Variants in SNTA1 observed in about 807,000 individuals in gnomAD.
The protein encoded by SNTA1 is syntrophin alpha 1, also known as alpha-1-syntrophin.
In SNTA1, 31 loss-of-function variants were observed where a neutral mutation model predicts 47.1. The observed-to-expected ratio is 0.66, with a 90% CI of 0.49 to 0.89. SNTA1 has a LOEUF of 0.89. Among genes scored for constraint, SNTA1 ranks in the 40% least tolerant of loss-of-function variants. The probability of loss-of-function intolerance (pLI) is 0.00; values close to 1 mark genes in which losing one functional copy is unlikely to be tolerated. For missense variants in SNTA1, 575 were observed against 693.0 expected, an observed-to-expected ratio of 0.83 and a Z score of 1.91; for synonymous variants, 300 against 313.6, an observed-to-expected ratio of 0.96 and a Z score of 0.46.
intron 1 of SNTA1, among the ~76,000 whole-genome samples, chr20:33,442,724 C>G (rs888891409): frequency 6.6e-6 from 1 of 152,110 alleles, no homozygotes; most frequent in African/African-American, 2.4e-5. Context: ...CTATCCTGTG[C>G]AAGGTGGAGA....
chr20:33,421,099 G>C (rs1209678421), intron 2 of SNTA1, among the ~76,000 whole-genome samples: 1 of 151,502 alleles, frequency 6.6e-6, no homozygotes, highest in Non-Finnish European at 1.5e-5. Context: ...CTTGAACCCA[G>C]CAAGCAGAGG....
Position 33,408,911 on chromosome 20 carries a change from C to T in SNTA1, c.1238-23G>A, listed in dbSNP as rs747304379. The T allele has an allele frequency of 5.6e-6, 9 of 1,609,710 alleles. No individual in the cohort carries two copies. In the South Asian group the frequency reaches 7.7e-5, roughly 14 times the overall value. ...AGGCTGCAGGGAGGGCACATAGGTA[C>T]AGGCACAGCTGGCACCTCAGAGACT... On this transcript the variant is annotated intron_variant, in intron 6 of 7. Coordinates refer to ENST00000217381, the MANE Select transcript of SNTA1 (RefSeq NM_003098.3).
At chr20:33,434,048 G>A (rs558284462) in intron 2 of SNTA1, among the ~76,000 whole-genome samples, 1 of 152,262 alleles carries the variant, frequency 6.6e-6, no homozygotes, top group East Asian at 1.9e-4. Flanking sequence ...CACATCCAAA[G>A]GACAGGCCAT....
At chr20:33,429,698 C>T (rs1990251623) in intron 2 of SNTA1, among the ~76,000 whole-genome samples, 1 of 152,194 alleles carries the variant, frequency 6.6e-6, no homozygotes, top group South Asian at 2.1e-4. Context: ...AGGCTAGTCT[C>T]GAACTCCTGG....
chr20:33,412,870 A>C, intron 3 of SNTA1, 88 bp from the exon 4 acceptor site: 1 of 804,226 alleles, frequency 1.2e-6, no homozygotes, highest in Non-Finnish European at 2.1e-6. Flanking sequence ...CCACCACCAA[A>C]CCAGGAGAAA....
At chr20:33,441,651 T>C (rs1175636807) in intron 1 of SNTA1, among the ~76,000 whole-genome samples, 1 of 152,094 alleles carries the variant, frequency 6.6e-6, no homozygotes, top group Non-Finnish European at 1.5e-5. Flanking sequence ...GGGGTTACCA[T>C]GGCAACAGGA....
At chr20:33,419,281 AG>A (rs533136314) in intron 2 of SNTA1, among the ~76,000 whole-genome samples, 134 of 152,278 alleles carry the variant, frequency 8.8e-4, no homozygotes, top group Middle Eastern at 3.4e-3. Context: ...CTGCAGTCAA[AG>A]CCCAGCCAAC....
At position 33,441,337 on chromosome 20, in the gene SNTA1, T is replaced by C. The variant is rs1990572662; in HGVS notation, c.310+1974A>G. ...TATTAGCCCTACCACAGACGACAAG[T>C]CAGGCCCTCAGATATCACACTCCTG... On this transcript the variant is annotated intron_variant, in intron 1 of 7. Transcript: ENST00000217381. 2.6e-5 allele frequency among the ~76,000 whole-genome samples: 4 copies of C among 152,232 alleles called. No homozygotes were observed. The South Asian group carries it at 8.3e-4, about 32-fold the overall frequency.
Position 33,412,782 on chromosome 20 carries a change from C to G in SNTA1, c.702G>C (p.Arg234Ser), listed in dbSNP as rs1203159357. The G allele has an allele frequency of 6.2e-7, 1 of 1,603,560 alleles. No individual in the cohort carries two copies. Among genetic ancestry groups the G allele is most frequent in the South Asian group, 1.1e-5 (1 of 89,776 alleles). ...KRCTPNDPEPRYLEICSADGQ... is the reference protein window; with the variant it reads ...KRCTPNDPEPSYLEICSADGQ... Reference sequence around the variant, plus strand: ...CATCTGCCGAGCAGATCTCCAGATACCTGCAGGCACAAATGGGTGGAGACA... The same window carrying G: ...CATCTGCCGAGCAGATCTCCAGATAGCTGCAGGCACAAATGGGTGGAGACA... Residue 234 changes from arginine to serine, a missense_variant and splice_region_variant, in exon 4 of 8, where the codon AGG becomes AGC. Physicochemically the swap from Arg to Ser is moderately radical, Grantham distance 110. Coordinates refer to ENST00000217381, the MANE Select transcript of SNTA1 (RefSeq NM_003098.3).
rs566401281 is a variant in SNTA1, at chr20:33,408,095, C to T, written c.*412G>A. 1 of 242,360 alleles carries T rather than the reference C, an allele frequency of 4.1e-6. No individual in the cohort carries two copies. The highest frequency in any genetic ancestry group is 8.3e-6 in the Non-Finnish European group (1 of 120,714). 15.0% of individuals were successfully genotyped at this position (242,360 alleles called of 1,614,324 possible). On this transcript the variant is annotated 3_prime_UTR_variant, in exon 8 of 8. Coordinates refer to ENST00000217381, the MANE Select transcript of SNTA1 (RefSeq NM_003098.3). ...AAAAACAAACAGAAAATCTCCTCTT[C>T]TTTCTCTTGCTGCTGACCCCAGGGT...
At chr20:33,443,096 C>T (rs1297194172) in intron 1 of SNTA1, among the ~76,000 whole-genome samples, 1 of 151,870 alleles carries the variant, frequency 6.6e-6, no homozygotes, top group East Asian at 1.9e-4. Context: ...CAATCTTATC[C>T]ACACCTGTGT....
intron 3 of SNTA1, 54 bp downstream of exon 3, chr20:33,417,665 C>T: frequency 7.6e-7 from 1 of 1,318,712 alleles, no homozygotes; most frequent in Non-Finnish European, 1.1e-6. Context: ...ATTGGTCCCA[C>T]CACCTGACGC....
intron 1 of SNTA1, among the ~76,000 whole-genome samples, chr20:33,441,097 G>A (rs1331116626): frequency 6.6e-6 from 1 of 152,212 alleles, no homozygotes; most frequent in African/African-American, 2.4e-5. Context: ...AGTAATAAGA[G>A]TTCACCTTAG....
At chr20:33,415,257 T>C (rs1202291254) in intron 3 of SNTA1, among the ~76,000 whole-genome samples, 1 of 152,166 alleles carries the variant, frequency 6.6e-6, no homozygotes, top group Admixed American at 6.5e-5. Flanking sequence ...TGCGCACACT[T>C]AGAAACATAT....
chr20:33,422,976 T>G (rs1990071279), intron 2 of SNTA1, among the ~76,000 whole-genome samples: 1 of 152,060 alleles, frequency 6.6e-6, no homozygotes, highest in African/African-American at 2.4e-5. Flanking sequence ...CCCCTGTGAT[T>G]GTCTGTGTAG....
intron 6 of SNTA1, 54 bp downstream of exon 6, chr20:33,410,081 C>T: frequency 1.9e-6 from 3 of 1,587,570 alleles, no homozygotes; most frequent in Non-Finnish European, 2.6e-6. Context: ...TTGAATGCCC[C>T]TGGGGATAAG....
chr20:33,437,102 A>G (rs1273230329), intron 2 of SNTA1, among the ~76,000 whole-genome samples: 2 of 151,870 alleles, frequency 1.3e-5, no homozygotes, highest in Non-Finnish European at 2.9e-5. Context: ...ATCTCTACTA[A>G]AAATAAAAAA....
intron 2 of SNTA1, among the ~76,000 whole-genome samples, chr20:33,426,853 G>C (rs527808235): frequency 6.6e-6 from 1 of 152,102 alleles, no homozygotes; most frequent in South Asian, 2.1e-4. Context: ...CTTGAGCCCA[G>C]GAGTTTAAGA....
intron 2 of SNTA1, among the ~76,000 whole-genome samples, chr20:33,424,473 A>C (rs2146784588): frequency 6.6e-6 from 1 of 151,862 alleles, no homozygotes; most frequent in South Asian, 2.1e-4. Flanking sequence ...CAGGAGTTTG[A>C]AACCAGCCTG....
Sources: allele counts gnomAD v4.1 joint callset (sites outside exome capture counted in the v4.1 genomes callset), GRCh38; gene constraint gnomAD v4.1.1; transcripts MANE v1.5; gene names NCBI Gene and HGNC (gene_info 2026-07-23, HGNC 2026-07-21).